The following LINGO2 variants were observed in gnomAD, a reference collection of about 807,000 sequenced individuals.
LINGO2 encodes leucine-rich repeat and immunoglobulin-like domain-containing nogo receptor-interacting protein 2.
In LINGO2, 14 loss-of-function variants were observed where a neutral mutation model predicts 30.6. That is an observed-to-expected ratio of 0.46 (90% confidence interval 0.30 to 0.72). The LOEUF (loss-of-function observed/expected upper bound fraction) is 0.72. LINGO2 is among the 30% of genes least tolerant of loss of function. The probability of loss-of-function intolerance (pLI) is 0.07; values close to 1 mark genes in which losing one functional copy is unlikely to be tolerated. For missense variants in LINGO2, 729 were observed against 751.7 expected (o/e 0.97, Z 0.35); for synonymous variants, 317 against 288.5 (o/e 1.10, Z -1.00).
intron 5 of LINGO2, among the ~76,000 whole-genome samples, chr9:27,981,577 A>G (rs1312909592): frequency 4.0e-5 from 6 of 148,692 alleles, no homozygotes; most frequent in Admixed American, 2.7e-4. Flanking sequence ...AAAGAAAAAA[A>G]AAAGAAAAAA....
intron 4 of LINGO2, among the ~76,000 whole-genome samples, chr9:28,072,795 C>G (rs567511758): frequency 6.6e-6 from 1 of 151,992 alleles, no homozygotes; most frequent in Admixed American, 6.6e-5. Context: ...TTCTGTTTTT[C>G]AATATATCTG....
In LINGO2 at chr9:28,532,528, C is replaced by A. The variant is rs78027003; in HGVS notation, c.-364-56503G>T. Reference sequence around the variant, plus strand: ...AACAAGACAAAACAAAGGCTTTGTACCTGCCCTGGGATTGAGGGTACTTTT... The same window carrying A: ...AACAAGACAAAACAAAGGCTTTGTAACTGCCCTGGGATTGAGGGTACTTTT... On this transcript the variant is annotated intron_variant, in intron 1 of 5. Coordinates refer to ENST00000379992, the Ensembl canonical transcript of LINGO2. Among the ~76,000 whole-genome samples, 132 of 152,082 alleles carry A rather than the reference C, an allele frequency of 8.7e-4. 2 individuals are homozygous for A. The East Asian group carries it at 0.025, about 28-fold the overall frequency.
chr9:28,333,700 C>T (rs561005159), intron 3 of LINGO2, among the ~76,000 whole-genome samples: 1 of 152,196 alleles, frequency 6.6e-6, no homozygotes, highest in African/African-American at 2.4e-5. Flanking sequence ...AATATAATCA[C>T]GTCAGGGCCG....
chr9:28,936,307 T>C, the LINGO2 span, among the ~76,000 whole-genome samples: 1 of 152,184 alleles, frequency 6.6e-6, no homozygotes, highest in Admixed American at 6.5e-5. Flanking sequence ...AAGGGTGTTG[T>C]GGTGTCTTGC....
intron 4 of LINGO2, among the ~76,000 whole-genome samples, chr9:28,053,589 T>G (rs139879239): frequency 6.6e-6 from 1 of 152,052 alleles, no homozygotes; most frequent in East Asian, 1.9e-4. Flanking sequence ...ATCAAAACAC[T>G]GTGGCCAGTC....
At chr9:28,051,731 C>T (rs1824684021) in intron 4 of LINGO2, among the ~76,000 whole-genome samples, 1 of 152,050 alleles carries the variant, frequency 6.6e-6, no homozygotes, top group Admixed American at 6.6e-5. Flanking sequence ...TTCTATTTTA[C>T]TGCTTCTTTC....
chr9:28,343,628 A>G (rs1819450333), intron 3 of LINGO2, among the ~76,000 whole-genome samples: 1 of 152,150 alleles, frequency 6.6e-6, no homozygotes, highest in South Asian at 2.1e-4. Context: ...ACATAATAGG[A>G]AAAAACATCC....
intron 3 of LINGO2, among the ~76,000 whole-genome samples, chr9:28,371,747 A>G (rs1176449384): frequency 6.6e-6 from 1 of 152,138 alleles, no homozygotes; most frequent in Non-Finnish European, 1.5e-5. Context: ...AATTTACTTG[A>G]ATTAAAATAT....
intron 5 of LINGO2, among the ~76,000 whole-genome samples, chr9:27,959,351 C>A (rs1819727245): frequency 6.6e-6 from 1 of 152,056 alleles, no homozygotes; most frequent in Non-Finnish European, 1.5e-5. Flanking sequence ...AAGATTAGAT[C>A]ATTAATTTTG....
intron 3 of LINGO2, among the ~76,000 whole-genome samples, chr9:28,367,627 G>A (rs908189969): frequency 1.3e-5 from 2 of 151,664 alleles, no homozygotes; most frequent in African/African-American, 2.4e-5. Context: ...TGGCTCTTAC[G>A]CTTTTGTAGG....
the LINGO2 span, among the ~76,000 whole-genome samples, chr9:28,981,238 A>G: frequency 6.6e-6 from 1 of 152,126 alleles, no homozygotes; most frequent in Admixed American, 6.6e-5. Flanking sequence ...GGGAATATGA[A>G]GAATCTGGGA....
At chr9:28,863,229 A>G in the LINGO2 span, among the ~76,000 whole-genome samples, 1 of 152,126 alleles carries the variant, frequency 6.6e-6, no homozygotes. Context: ...CTATTTAATT[A>G]ATATATTAAT....
intron 4 of LINGO2, among the ~76,000 whole-genome samples, chr9:28,098,236 CTGAGG>C (rs1826306233): frequency 6.6e-6 from 1 of 152,036 alleles, no homozygotes; most frequent in Admixed American, 6.6e-5. Context: ...ACGCAGGAGG[CTGAGG>C]TTGCAGTGAG....
At chr9:29,028,037 G>C in the LINGO2 span, among the ~76,000 whole-genome samples, 3 of 152,022 alleles carry the variant, frequency 2.0e-5, no homozygotes, top group Non-Finnish European at 4.4e-5. Flanking sequence ...TGCTAAAGCA[G>C]GCTTACAGAA....
chr9:28,515,037 C>G (rs1406392367), intron 1 of LINGO2, among the ~76,000 whole-genome samples: 1 of 151,974 alleles, frequency 6.6e-6, no homozygotes, highest in African/African-American at 2.4e-5. Context: ...ATAAAAGATT[C>G]CTTTCAAAAT....
At chr9:28,656,802 C>T (rs1828365656) in intron 1 of LINGO2, among the ~76,000 whole-genome samples, 1 of 152,086 alleles carries the variant, frequency 6.6e-6, no homozygotes, top group African/African-American at 2.4e-5. Context: ...GTGATTTGTA[C>T]TTTGTGACTC....
intron 5 of LINGO2, among the ~76,000 whole-genome samples, chr9:28,002,051 T>A (rs1821984543): frequency 6.6e-6 from 1 of 152,224 alleles, no homozygotes; most frequent in African/African-American, 2.4e-5. Context: ...GAGCACTTAC[T>A]ATTTCACAAG....
the LINGO2 span, among the ~76,000 whole-genome samples, chr9:29,117,741 G>T: frequency 2.2e-3 from 340 of 152,298 alleles, 1 homozygote; most frequent in African/African-American, 7.8e-3. Flanking sequence ...TGGCAGCGTT[G>T]TCATCTAATA....
At chr9:28,161,086 G>A (rs1189106785) in intron 4 of LINGO2, among the ~76,000 whole-genome samples, 1 of 152,200 alleles carries the variant, frequency 6.6e-6, no homozygotes, top group African/African-American at 2.4e-5. Flanking sequence ...AGGTTGAAGA[G>A]CAGGGAGGGC....
Sources: allele counts gnomAD v4.1 joint callset (sites outside exome capture counted in the v4.1 genomes callset), GRCh38; gene constraint gnomAD v4.1.1; transcripts MANE v1.5; gene names NCBI Gene and HGNC (gene_info 2026-07-23, HGNC 2026-07-21).